ST6GALNAC3: variants seen among roughly 807,000 people sequenced by gnomAD.
The protein encoded by ST6GALNAC3 is alpha-N-acetylgalactosaminide alpha-2,6-sialyltransferase 3.
In ST6GALNAC3, 25 loss-of-function variants were observed where a neutral mutation model predicts 32.7. The ratio of observed to expected loss-of-function variants is 0.76; its 90% CI spans 0.56 to 1.07. ST6GALNAC3 has a LOEUF of 1.07. Among genes scored for constraint, ST6GALNAC3 ranks in the 50% least tolerant of loss-of-function variants. ST6GALNAC3 has a pLI of 0.00. For synonymous variants in ST6GALNAC3, 129 were observed against 133.1 expected, an observed-to-expected ratio of 0.97 and a Z score of 0.21; for missense variants, 355 against 382.4, an observed-to-expected ratio of 0.93 and a Z score of 0.60.
chr1:76,091,493 C>T (rs963788300), intron 1 of ST6GALNAC3, among the ~76,000 whole-genome samples: 10 of 152,292 alleles, frequency 6.6e-5, no homozygotes, highest in African/African-American at 2.4e-4. Context: ...TTTTTGCCCT[C>T]AAGGCAGCTA....
At chr1:76,220,211 C>T (rs1018204709) in intron 1 of ST6GALNAC3, among the ~76,000 whole-genome samples, 1 of 151,970 alleles carries the variant, frequency 6.6e-6, no homozygotes, top group Non-Finnish European at 1.5e-5. Flanking sequence ...GAATTTTTTT[C>T]CCTGCAATGT....
chr1:76,105,141 A>C (rs944257802), intron 1 of ST6GALNAC3, among the ~76,000 whole-genome samples: 1 of 152,208 alleles, frequency 6.6e-6, no homozygotes, highest in Non-Finnish European at 1.5e-5. Flanking sequence ...AAATTCCAAA[A>C]ATTACAGAAG....
At chr1:76,300,809 G>T (rs777597729) in intron 1 of ST6GALNAC3, among the ~76,000 whole-genome samples, 10 of 152,038 alleles carry the variant, frequency 6.6e-5, no homozygotes, top group Non-Finnish European at 8.8e-5. Flanking sequence ...AGGATGTGAA[G>T]TGTGCTTCAG....
intron 3 of ST6GALNAC3, among the ~76,000 whole-genome samples, chr1:76,579,874 T>G (rs1646868040): frequency 6.6e-6 from 1 of 152,098 alleles, no homozygotes; most frequent in Non-Finnish European, 1.5e-5. Flanking sequence ...ACTATATGCT[T>G]TATCTCTTTT....
chr1:76,435,612 T>C (rs1656086287), intron 3 of ST6GALNAC3, among the ~76,000 whole-genome samples: 1 of 152,178 alleles, frequency 6.6e-6, no homozygotes, highest in African/African-American at 2.4e-5. Flanking sequence ...CTCTGAATAA[T>C]GTTATTTGGG....
intron 1 of ST6GALNAC3, among the ~76,000 whole-genome samples, chr1:76,273,430 T>C (rs1209218923): frequency 2.0e-5 from 3 of 152,182 alleles, no homozygotes; most frequent in Admixed American, 6.5e-5. Context: ...AAGTTATCTT[T>C]TTCTTGGATA....
At chr1:76,090,178 T>A (rs1386596806) in intron 1 of ST6GALNAC3, among the ~76,000 whole-genome samples, 1 of 152,248 alleles carries the variant, frequency 6.6e-6, no homozygotes, top group Non-Finnish European at 1.5e-5. Flanking sequence ...GAGAATCATT[T>A]AGGAAGGAGC....
chr1:76,495,792 C>T (rs2101709030), intron 3 of ST6GALNAC3, among the ~76,000 whole-genome samples: 1 of 152,200 alleles, frequency 6.6e-6, no homozygotes, highest in African/African-American at 2.4e-5. Context: ...CATTGATGAT[C>T]TTGGAACCCA....
At chr1:76,455,773 A>C (rs1301523924) in intron 3 of ST6GALNAC3, among the ~76,000 whole-genome samples, 1 of 152,152 alleles carries the variant, frequency 6.6e-6, no homozygotes, top group South Asian at 2.1e-4. Flanking sequence ...TTTTTAAGAT[A>C]TCCTGGACTC....
In ST6GALNAC3 at chr1:76,499,238, G is replaced by A. The variant is rs115891773; in HGVS notation, c.623+86821G>A. Among the ~76,000 whole-genome samples, 624 of 152,332 alleles carry A rather than the reference G, an allele frequency of 4.1e-3. 6 individuals are homozygous for A. Among genetic ancestry groups the A allele is most frequent in the Non-Finnish European group, 5.5e-3 (377 of 68,030 alleles). On this transcript the variant is annotated intron_variant, in intron 3 of 4. Coordinates refer to ENST00000328299, the MANE Select transcript of ST6GALNAC3 (RefSeq NM_152996.4). ...GTAAGAATATGGGGAAAAACTGTTG[G>A]TGGGAGTATAATTTGAGACAGCTTT...
chr1:76,271,895 C>T (rs1658862615), intron 1 of ST6GALNAC3, among the ~76,000 whole-genome samples: 1 of 152,074 alleles, frequency 6.6e-6, no homozygotes, highest in Admixed American at 6.5e-5. Context: ...TTCCAATAAA[C>T]TGGACCTTTT....
At chr1:76,237,412 G>C (rs189245306) in intron 1 of ST6GALNAC3, among the ~76,000 whole-genome samples, 1 of 152,170 alleles carries the variant, frequency 6.6e-6, no homozygotes, top group Admixed American at 6.5e-5. Context: ...GATTACATAC[G>C]CCTGGTGTGG....
intron 1 of ST6GALNAC3, among the ~76,000 whole-genome samples, chr1:76,147,413 A>T (rs1327324330): frequency 6.6e-6 from 1 of 151,998 alleles, no homozygotes; most frequent in Non-Finnish European, 1.5e-5. Flanking sequence ...TGCCTCTTTG[A>T]TTGTCTATGA....
At position 76,509,538 on chromosome 1, in the gene ST6GALNAC3, G is replaced by A. The variant is rs896200299; in HGVS notation, c.623+97121G>A. 2.0e-5 allele frequency among the ~76,000 whole-genome samples: 3 copies of A among 151,998 alleles called. No homozygotes were observed. The highest frequency in any genetic ancestry group is 2.1e-4 in the South Asian group (1 of 4,814). ...TAAACTGGAAATGATTTATACCAAC[G>A]AGATTTGAGTTAGGGGAATGTGTTA... On this transcript the variant is annotated intron_variant, in intron 3 of 4. Transcript: ENST00000328299. The surrounding 1 kb of genome is among the most constrained non-coding windows in gnomAD (Gnocchi z 5.5).
At chr1:76,114,216 T>A (rs952658428) in intron 1 of ST6GALNAC3, among the ~76,000 whole-genome samples, 6 of 152,100 alleles carry the variant, frequency 3.9e-5, no homozygotes, top group Non-Finnish European at 8.8e-5. Flanking sequence ...GTATATATAT[T>A]TAATGGTTGC....
chr1:76,418,054 CCACT>C (rs1331358108), intron 3 of ST6GALNAC3, among the ~76,000 whole-genome samples: 1 of 152,056 alleles, frequency 6.6e-6, no homozygotes, highest in African/African-American at 2.4e-5. Flanking sequence ...CCATCCATTC[CCACT>C]CAATCTTAAG....
intron 2 of ST6GALNAC3, among the ~76,000 whole-genome samples, chr1:76,350,615 A>G (rs745677552): frequency 6.6e-6 from 1 of 152,198 alleles, no homozygotes; most frequent in Non-Finnish European, 1.5e-5. Context: ...CATGTCTTAG[A>G]TTTTTAAACT....
intron 2 of ST6GALNAC3, among the ~76,000 whole-genome samples, chr1:76,409,572 A>G (rs1045300211): frequency 5.9e-5 from 9 of 152,128 alleles, no homozygotes; most frequent in African/African-American, 1.7e-4. Context: ...AATGCCCAGC[A>G]GTAGGCAAAT....
chr1:76,489,696 C>T (rs1468664154), intron 3 of ST6GALNAC3, among the ~76,000 whole-genome samples: 2 of 152,110 alleles, frequency 1.3e-5, no homozygotes, highest in Admixed American at 6.6e-5. Flanking sequence ...GGAGGGGTCA[C>T]GGGACTTAGG....
Sources: allele counts gnomAD v4.1 joint callset (sites outside exome capture counted in the v4.1 genomes callset), GRCh38; gene constraint gnomAD v4.1.1; non-coding constraint Gnocchi (gnomAD v3.1); transcripts MANE v1.5; gene names NCBI Gene and HGNC (gene_info 2026-07-23, HGNC 2026-07-21).